Variants in PALM3 observed in about 807,000 individuals in gnomAD.
PALM3 encodes paralemmin 3, also known as paralemmin-3.
A neutral mutation model predicts 27.9 loss-of-function variants in PALM3; 20 were observed. That is an observed-to-expected ratio of 0.72 (90% CI 0.50 to 1.04). The LOEUF (loss-of-function observed/expected upper bound fraction) is 1.04, where lower values mean the gene tolerates loss of function less well. PALM3 is among the 50% of genes least tolerant of loss of function. The probability of loss-of-function intolerance (pLI) is 0.00; values close to 1 mark genes in which losing one functional copy is unlikely to be tolerated. For synonymous variants in PALM3, 328 were observed against 352.7 expected, an observed-to-expected ratio of 0.93 and a Z score of 0.79; for missense variants, 814 against 869.4, an observed-to-expected ratio of 0.94 and a Z score of 0.80.
At position 14,054,541 on chromosome 19, in the gene PALM3, T is replaced by C. The variant is rs1358665578; in HGVS notation, c.1131A>G (p.Glu377=). The change falls in exon 7 of 7, where the codon GAA becomes GAG. Residue 377 remains glutamate, a synonymous_variant. Transcript: ENST00000669674. ...TCTCCCTCCCTGCCACCTCGGGCCC[T>C]TCCAACCCCTCCACCAGCAGCTCCT... The part of the protein sequence containing the change: ...EWEELLVEGL[E]GPEVAGRERG... 6.4e-7 allele frequency: 1 copy of C among 1,551,538 alleles called. No individual in the cohort carries two copies. The highest frequency in any genetic ancestry group is 8.7e-7 in the Non-Finnish European group (1 of 1,146,960).
In PALM3 at chr19:14,053,628, A is replaced by G. The variant is rs1487056218; in HGVS notation, c.2044T>C (p.Cys682Arg). ...GTTCACATGACCGCACAACACTGGC[A>G]CGTCTTTTGCTTAGGGCCACTTGCC... is the stretch of plus-strand genomic sequence containing the variant. ...EEASGPKQKT[C>R]QCCAVM The change falls in exon 7 of 7, where the codon TGC becomes CGC. Residue 682 changes from cysteine to arginine, a missense_variant. By Grantham distance (180) the Cys-to-Arg change is radical. Transcript: ENST00000669674. 17 of 1,460,186 alleles carry G rather than the reference A, an allele frequency of 1.2e-5. No individual in the cohort carries two copies. The highest frequency in any genetic ancestry group is 1.5e-5 in the Non-Finnish European group (17 of 1,105,194). The allele number at this position is 1,460,186 out of a possible 1,614,324, so 90.5% of individuals were successfully genotyped here. A position where few individuals can be genotyped will look rare whatever the true frequency, so the allele number is the denominator to read the frequency against.
At position 14,061,167 on chromosome 19, in the gene PALM3, A is replaced by G. The variant is rs1976407789; in HGVS notation, c.41+773T>C. ...CCCGTGGTCTCCTGTACCACCCCCAAGATGTAATCTCCCTGCCTCTTCCTT... is the reference window on the plus strand; with the variant it reads ...CCCGTGGTCTCCTGTACCACCCCCAGGATGTAATCTCCCTGCCTCTTCCTT... On this transcript the variant is annotated intron_variant, in intron 1 of 6. Transcript: ENST00000669674. Among the ~76,000 whole-genome samples, 2 of 152,118 alleles carry G rather than the reference A, an allele frequency of 1.3e-5. 1 individual carries two copies. The highest frequency in any genetic ancestry group is 4.1e-4 in the South Asian group (2 of 4,824).
rs559378425 is a variant in PALM3, at chr19:14,061,671, C to A, written c.41+269G>T. Among the ~76,000 whole-genome samples, 4 of 152,164 alleles carry A rather than the reference C, an allele frequency of 2.6e-5. No individual in the cohort carries two copies. In the East Asian group the frequency reaches 7.7e-4, roughly 29 times the overall value. On this transcript the variant is annotated intron_variant, in intron 1 of 6. Coordinates refer to ENST00000669674, the MANE Select transcript of PALM3 (RefSeq NM_001145028.2). ...CTGCACCACAGCAGTAGCCCCACCCCCTGGCTGGACTTTGGGTTCTCAGCC... is the reference window on the plus strand; with the variant it reads ...CTGCACCACAGCAGTAGCCCCACCCACTGGCTGGACTTTGGGTTCTCAGCC...
At chr19:14,055,507 A>G in intron 5 of PALM3, 82 bp from the exon 6 acceptor site, 2 of 1,315,546 alleles carry the variant, frequency 1.5e-6, no homozygotes, top group Non-Finnish European at 1.1e-6. Flanking sequence ...CCACCCCACC[A>G]CCCCTAAATA....
At position 14,062,043 on chromosome 19, in the gene PALM3, G is replaced by A. The variant is rs1976422653; in HGVS notation, c.-63C>T. On this transcript the variant is annotated 5_prime_UTR_variant, in exon 1 of 7. Coordinates refer to ENST00000669674, the MANE Select transcript of PALM3 (RefSeq NM_001145028.2). ...GGACCCACCACCCGCTTGCCTGAAG[G>A]TGCCCCGGAGGCTGTGACTTGGCTG... 3.1e-6 allele frequency: 3 copies of A among 970,004 alleles called. No homozygotes were observed. The highest frequency in any genetic ancestry group is 3.7e-6 in the Non-Finnish European group (3 of 815,800). The allele number at this position is 970,004 out of a possible 1,614,324, so 60.1% of individuals were successfully genotyped here.
intron 3 of PALM3, 85 bp from the exon 4 acceptor site, chr19:14,056,889 A>G: frequency 7.3e-7 from 1 of 1,378,360 alleles, no homozygotes. Context: ...CAGGCTGGGC[A>G]GGTATCTTAT....
intron 3 of PALM3, 133 bp downstream of exon 3, chr19:14,057,218 G>A: frequency 1.6e-6 from 1 of 635,418 alleles, no homozygotes; most frequent in Admixed American, 3.2e-5. Flanking sequence ...CGGCCAAGCT[G>A]GAACCAACGC....
At position 14,056,744 on chromosome 19, in the gene PALM3, C is replaced by T. The variant is rs1257232803; in HGVS notation, c.232G>A (p.Glu78Lys). 1.9e-6 allele frequency: 3 copies of T among 1,551,678 alleles called. No individual in the cohort carries two copies. The highest frequency in any genetic ancestry group is 1.7e-4 in the Middle Eastern group (1 of 5,992). ...DGAAAVPEPS[E>K]DPTSKDPQSP... ...TGGGGGTCCTTCGAGGTGGGGTCTTCGGATGGCTCTGGCACTGCAGCTGCC... is the reference window on the plus strand; with the variant it reads ...TGGGGGTCCTTCGAGGTGGGGTCTTTGGATGGCTCTGGCACTGCAGCTGCC... Residue 78 changes from glutamate (E) to lysine (K), a missense_variant, in exon 4 of 7, where the codon GAA becomes AAA. Glu to Lys is a moderately conservative substitution (Grantham distance 56). Transcript: ENST00000669674.
rs1201175323 is a variant in PALM3 at position 14,054,041 on chromosome 19, T to C, written c.1631A>G (p.Glu544Gly). ...ATCTCCCTCCGTCCCTTGGGTCTTC[T>C]CTGTCTCCAATGATTCCTCACCTCC... ...KRGGEESLETEKTQGTEGDLN... is the reference protein window; with the variant it reads ...KRGGEESLETGKTQGTEGDLN... Residue 544 changes from glutamate (E) to glycine (G), a missense_variant, in exon 7 of 7, where the codon GAG becomes GGG. Physicochemically the swap from Glu to Gly is moderately conservative, Grantham distance 98. Transcript: ENST00000669674. 1 of 1,551,730 alleles carries C rather than the reference T, an allele frequency of 6.4e-7. No individual in the cohort carries two copies. Among genetic ancestry groups the C allele is most frequent in the Non-Finnish European group, 8.7e-7 (1 of 1,146,972 alleles).
chr19:14,053,666 G>A lies in PALM3; in HGVS notation c.2006C>T (p.Thr669Ile). 2 of 1,474,828 alleles carry A rather than the reference G, an allele frequency of 1.4e-6. No homozygotes were observed. The highest frequency in any genetic ancestry group is 1.8e-6 in the Non-Finnish European group (2 of 1,113,638). 91.4% of individuals were successfully genotyped at this position (1,474,828 alleles called of 1,614,324 possible). A position where few individuals can be genotyped will look rare whatever the true frequency, so the allele number is the denominator to read the frequency against. ...PARQPEPSAPTEGEEASGPKQ... is the reference protein window; with the variant it reads ...PARQPEPSAPIEGEEASGPKQ... Reference sequence around the variant, plus strand: ...AGGGCCACTTGCCTCTTCACCCTCGGTGGGGGCAGATGGCTCAGGCTGCCG... The same window carrying A: ...AGGGCCACTTGCCTCTTCACCCTCGATGGGGGCAGATGGCTCAGGCTGCCG... Residue 669 changes from threonine to isoleucine, a missense_variant, in exon 7 of 7, where the codon ACC becomes ATC. Coordinates refer to ENST00000669674, the MANE Select transcript of PALM3 (RefSeq NM_001145028.2).
At chr19:14,057,590 C>T (rs900710394) in intron 2 of PALM3, 159 bp from the exon 3 acceptor site, 15 of 347,766 alleles carry the variant, frequency 4.3e-5, no homozygotes, top group Non-Finnish European at 6.7e-5. Flanking sequence ...GGTCTGCACC[C>T]AGGGCGGGGA....
chr19:14,056,686 C>T lies in PALM3; in HGVS notation c.290G>A (p.Arg97Gln), dbSNP rs147390314. ...CGTGAACAAACTGTCTTCCAGGTTC[C>T]GGATTCGGGCCTGAGCCTGGCCCTC... is the stretch of plus-strand genomic sequence containing the variant. Reference protein sequence around the residue: ...SPEGQAQARIRNLEDSLFTLQ... With the variant: ...SPEGQAQARIQNLEDSLFTLQ... The change falls in exon 4 of 7, where the codon CGG becomes CAG. Residue 97 changes from arginine to glutamine, a missense_variant. Coordinates refer to ENST00000669674, the MANE Select transcript of PALM3 (RefSeq NM_001145028.2). The T allele has an allele frequency of 3.9e-6, 6 of 1,551,758 alleles. No homozygotes were observed. In the East Asian group the frequency reaches 7.3e-5, roughly 19 times the overall value.
Position 14,056,420 on chromosome 19 carries a change from C to T in PALM3, c.399+9G>A. ...CCCTCCCATCCCACTCCCCTGATTCCCCCCTCACCTGTCTGCGCCAGCTGG... is the reference window on the plus strand; with the variant it reads ...CCCTCCCATCCCACTCCCCTGATTCTCCCCTCACCTGTCTGCGCCAGCTGG... On this transcript the variant is annotated intron_variant, in intron 5 of 6. Transcript: ENST00000669674. The T allele has an allele frequency of 3.9e-6, 6 of 1,547,410 alleles. No individual in the cohort carries two copies. The highest frequency in any genetic ancestry group is 5.2e-6 in the Non-Finnish European group (6 of 1,143,450).
rs1377735157 is a variant in PALM3, at chr19:14,057,415, T to A, written c.107A>T (p.Gln36Leu). The A allele has an allele frequency of 1.9e-6, 3 of 1,538,796 alleles. No individual in the cohort carries two copies. In the Admixed American group the frequency reaches 5.9e-5, roughly 30 times the overall value. ...LEVIAEKRRL[Q>L]EEIRAARREV... ...CCGGCGCGCGGCGCGGATCTCCTCC[T>A]GCAGCCGCCGCTTCTCCTGCGCACA... The change falls in exon 3 of 7, where the codon CAG becomes CTG. Residue 36 changes from glutamine to leucine, a missense_variant. Coordinates refer to ENST00000669674, the MANE Select transcript of PALM3 (RefSeq NM_001145028.2).
At chr19:14,061,130 G>T (rs1440290370) in intron 1 of PALM3, among the ~76,000 whole-genome samples, 1 of 152,176 alleles carries the variant, frequency 6.6e-6, no homozygotes, top group Non-Finnish European at 1.5e-5. Context: ...GCCCCTGGGG[G>T]AGGGCTGAAG....
At position 14,055,120 on chromosome 19, in the gene PALM3, G is replaced by T; in HGVS notation, c.552C>A (p.Gly184=). The T allele has an allele frequency of 6.4e-7, 1 of 1,551,562 alleles. No individual in the cohort carries two copies. The highest frequency in any genetic ancestry group is 8.7e-7 in the Non-Finnish European group (1 of 1,146,964). ...PREDVLGFLP[G]PRQVPGAAGD... ...CTGCTGCCCCGGGGACCTGCCTCGG[G>T]CCTGGCAGAAACCCCAAGACATCCT... The change falls in exon 7 of 7, where the codon GGC becomes GGA. Residue 184 remains glycine, a synonymous_variant. Transcript: ENST00000669674.
intron 5 of PALM3, among the ~76,000 whole-genome samples, chr19:14,055,925 T>C (rs890415512): frequency 6.6e-6 from 1 of 151,966 alleles, no homozygotes; most frequent in East Asian, 1.9e-4. Context: ...TAATTTTTGT[T>C]TGAGACAGAG....
chr19:14,053,632 C>G lies in PALM3; in HGVS notation c.2040G>C (p.Lys680Asn), dbSNP rs1408754833. 1 of 1,460,878 alleles carries G rather than the reference C, an allele frequency of 6.8e-7. No homozygotes were observed. The highest frequency in any genetic ancestry group is 9.0e-7 in the Non-Finnish European group (1 of 1,105,654). The allele number at this position is 1,460,878 out of a possible 1,614,324, so 90.5% of individuals were successfully genotyped here. A position where few individuals can be genotyped will look rare whatever the true frequency, so the allele number is the denominator to read the frequency against. Residue 680 changes from lysine to asparagine, a missense_variant, in exon 7 of 7, where the codon AAG becomes AAC. Coordinates refer to ENST00000669674, the MANE Select transcript of PALM3 (RefSeq NM_001145028.2). ...EGEEASGPKQ[K>N]TCQCCAVM is the part of the protein sequence containing the mutation. The stretch of plus-strand genomic sequence containing the variant: ...ACATGACCGCACAACACTGGCACGT[C>G]TTTTGCTTAGGGCCACTTGCCTCTT...
rs1976372509 is a variant in PALM3, at chr19:14,059,131, C to T, written c.74G>A (p.Arg25Gln). 3 of 1,436,738 alleles carry T rather than the reference C, an allele frequency of 2.1e-6. No homozygotes were observed. The highest frequency in any genetic ancestry group is 2.7e-6 in the Non-Finnish European group (3 of 1,095,690). 89.0% of individuals were successfully genotyped at this position (1,436,738 alleles called of 1,614,324 possible). A position where few individuals can be genotyped will look rare whatever the true frequency, so the allele number is the denominator to read the frequency against. Residue 25 changes from arginine to glutamine, a missense_variant, in exon 2 of 7, where the codon CGG becomes CAG. Coordinates refer to ENST00000669674, the MANE Select transcript of PALM3 (RefSeq NM_001145028.2). ...PMAESSLYRQ[R>Q]LEVIAEKRRL... is the part of the protein sequence containing the mutation. The stretch of plus-strand genomic sequence containing the variant: ...GTCACTTACAGCGATGACTTCTAGC[C>T]GCTGCCGGTAGAGGGAGCTCTCCGC...
Sources: allele counts gnomAD v4.1 joint callset (sites outside exome capture counted in the v4.1 genomes callset), GRCh38; gene constraint gnomAD v4.1.1; transcripts MANE v1.5; gene names NCBI Gene and HGNC (gene_info 2026-07-23, HGNC 2026-07-21).